BRCA2: variants seen among roughly 807,000 people sequenced by gnomAD.
BRCA2 encodes the protein BRCA2 DNA repair associated.
BRCA2 carries 203 observed loss-of-function variants against 276.7 expected under a neutral mutation model. The ratio of observed to expected loss-of-function variants is 0.73; its 90% CI spans 0.65 to 0.82. BRCA2 has a LOEUF of 0.82. BRCA2 is among the 40% of genes least tolerant of loss of function. BRCA2 has a pLI of 0.00. For synonymous variants in BRCA2, 1,289 were observed against 1,338.4 expected (o/e 0.96, Z 0.81); for missense variants, 3,920 against 3,915.0 (o/e 1.00, Z -0.03).
At chr13:32,341,867 CAAA>C (rs748134067) in intron 11 of BRCA2, among the ~76,000 whole-genome samples, 1 of 97,440 alleles carries the variant, frequency 1.0e-5, no homozygotes. Context: ...GACTCCGTCT[CAAA>C]AAAAAAAAAA....
At position 32,342,999 on chromosome 13, in the gene BRCA2, A is replaced by G. The variant is rs55921227; in HGVS notation, c.6842-1559A>G. Among the ~76,000 whole-genome samples the G allele has an allele frequency of 5.9e-3, 903 of 152,196 alleles. 9 individuals carry two copies. Among genetic ancestry groups the G allele is most frequent in the African/African-American group, 0.021 (872 of 41,514 alleles). ...TGGAGGCAGAGATTTCAGTGAGCCA[A>G]GATCGCACCACTGCACTCCTGCCTG... On this transcript the variant is annotated intron_variant, in intron 11 of 26. Coordinates refer to ENST00000380152, the MANE Select transcript of BRCA2 (RefSeq NM_000059.4).
chr13:32,369,474 G>A (rs1006025913), intron 18 of BRCA2, among the ~76,000 whole-genome samples: 3 of 152,122 alleles, frequency 2.0e-5, no homozygotes, highest in African/African-American at 4.8e-5. Context: ...CAAGTTTGGT[G>A]GCTGAATAAC....
chr13:32,376,605 T>C, intron 20 of BRCA2, 65 bp from the exon 21 acceptor site: 1 of 1,554,664 alleles, frequency 6.4e-7, no homozygotes, highest in Non-Finnish European at 8.9e-7. Flanking sequence ...TTATGCTTGG[T>C]TCTTTAGTTT....
intron 20 of BRCA2, among the ~76,000 whole-genome samples, chr13:32,373,445 G>T (rs1475593539): frequency 6.6e-6 from 1 of 151,906 alleles, no homozygotes; most frequent in Non-Finnish European, 1.5e-5. Context: ...GGCAGAGATT[G>T]CAGTAAGCCA....
rs1555287010 is a variant in BRCA2 at position 32,363,341 on chromosome 13, C to A, written c.8139C>A (p.Thr2713=). ...TSSNKTSSAD[T]QKVAIIELTD... ...GCAATAAAACTAGTAGTGCAGATACCCAAAAAGTGGCCATTATTGAACTTA... is the reference window on the plus strand; with the variant it reads ...GCAATAAAACTAGTAGTGCAGATACACAAAAAGTGGCCATTATTGAACTTA... The change falls in exon 18 of 27, where the codon ACC becomes ACA. Residue 2713 remains threonine, a synonymous_variant. Coordinates refer to ENST00000380152, the MANE Select transcript of BRCA2 (RefSeq NM_000059.4). 6.2e-7 allele frequency: 1 copy of A among 1,613,984 alleles called. No individual in the cohort carries two copies. The highest frequency in any genetic ancestry group is 8.5e-7 in the Non-Finnish European group (1 of 1,179,988).
intron 25 of BRCA2, 105 bp from the exon 26 acceptor site, chr13:32,396,793 T>C (rs2073039313): frequency 2.8e-6 from 4 of 1,440,420 alleles, no homozygotes; most frequent in Non-Finnish European, 3.9e-6. Flanking sequence ...TTTTCATTCT[T>C]TTTTGGTCCA....
At chr13:32,365,593 C>T (rs2072775999) in intron 18 of BRCA2, among the ~76,000 whole-genome samples, 1 of 151,982 alleles carries the variant, frequency 6.6e-6, no homozygotes, top group South Asian at 2.1e-4. Flanking sequence ...ATTGGCCAGG[C>T]TGGTCTCATC....
At position 32,339,597 on chromosome 13, in the gene BRCA2, AG is replaced by A; in HGVS notation, c.5243del (p.Ser1748ThrfsTer29). ...TTTAAGTAACAGTAGCATGTCTAAC[AG>A]CTATTCCTACCATTCTGATGAGGTA... is the stretch of plus-strand genomic sequence containing the variant. The part of the protein sequence containing the change: ...TYLSNSSMSN[S>X]YSYHSDEVYN... On this transcript the variant is annotated frameshift_variant, in exon 11 of 27. Transcript: ENST00000380152. LOFTEE classifies it high-confidence loss of function. 6.2e-7 allele frequency: 1 copy of A among 1,611,118 alleles called. No individual in the cohort carries two copies. The highest frequency in any genetic ancestry group is 1.1e-5 in the South Asian group (1 of 90,602).
At position 32,344,578 on chromosome 13, in the gene BRCA2, A is replaced by C. The variant is rs1244797012; in HGVS notation, c.6862A>C (p.Asn2288His). Residue 2288 changes from asparagine (N) to histidine (H), a missense_variant, in exon 12 of 27, where the codon AAC becomes CAC. Around this residue, in one of 2 missense-constraint regions of BRCA2, gnomAD observed 3,263 missense variants for 3,156.9 expected, o/e 1.03. Coordinates refer to ENST00000380152, the MANE Select transcript of BRCA2 (RefSeq NM_000059.4). Reference sequence around the variant, plus strand: ...TTTAGGAGAACCCTCAATCAAAAGAAACTTATTAAATGAATTTGACAGGAT... The same window carrying C: ...TTTAGGAGAACCCTCAATCAAAAGACACTTATTAAATGAATTTGACAGGAT... The part of the protein sequence containing the change: ...ILVGEPSIKR[N>H]LLNEFDRIIE... 6.4e-7 allele frequency: 1 copy of C among 1,560,012 alleles called. No homozygotes were observed. Among genetic ancestry groups the C allele is most frequent in the Non-Finnish European group, 8.8e-7 (1 of 1,133,282 alleles).
intron 12 of BRCA2, among the ~76,000 whole-genome samples, chr13:32,346,236 T>G (rs1296471743): frequency 6.6e-6 from 1 of 151,968 alleles, no homozygotes; most frequent in African/African-American, 2.4e-5. Context: ...ATGTATATAC[T>G]CATTACCCTT....
intron 24 of BRCA2, among the ~76,000 whole-genome samples, chr13:32,387,161 G>A (rs2072966345): frequency 1.3e-5 from 2 of 152,096 alleles, no homozygotes; most frequent in Admixed American, 1.3e-4. Flanking sequence ...GTGGGTGGAG[G>A]ATTACCCAGG....
At chr13:32,321,727 T>C (rs1336159890) in intron 3 of BRCA2, among the ~76,000 whole-genome samples, 1 of 152,220 alleles carries the variant, frequency 6.6e-6, no homozygotes, top group Non-Finnish European at 1.5e-5. Context: ...TTCAACCTGT[T>C]TTGTTCAGTT....
At position 32,379,386 on chromosome 13, in the gene BRCA2, G is replaced by A. The variant is rs80359139; in HGVS notation, c.8824G>A (p.Ala2942Thr). The A allele has an allele frequency of 1.2e-6, 2 of 1,613,796 alleles. No individual in the cohort carries two copies. The highest frequency in any genetic ancestry group is 8.5e-7 in the Non-Finnish European group (1 of 1,179,876). The change falls in exon 22 of 27, where the codon GCT (alanine) becomes ACT (threonine). Residue 2942 changes from alanine (A) to threonine (T), a missense_variant. Around this residue, in one of 2 missense-constraint regions of BRCA2, gnomAD observed 657 missense variants for 758.2 expected, o/e 0.87. Transcript: ENST00000380152. Reference protein sequence around the residue: ...HRQMLNDKKQAQIQLEIRKAM... With the variant: ...HRQMLNDKKQTQIQLEIRKAM... ...GCAAATGTTGAATGATAAGAAACAA[G>A]CTCAGATCCAGTTGGAAATTAGGAA...
chr13:32,341,404 A>G (rs1357792047), intron 11 of BRCA2, among the ~76,000 whole-genome samples: 1 of 152,180 alleles, frequency 6.6e-6, no homozygotes, highest in African/African-American at 2.4e-5. Flanking sequence ...TACAGATTCG[A>G]TATCTCTGAA....
intron 24 of BRCA2, among the ~76,000 whole-genome samples, chr13:32,389,008 T>C (rs528456255): frequency 6.6e-6 from 1 of 152,358 alleles, no homozygotes; most frequent in African/African-American, 2.4e-5. Context: ...TCCTGAAGGT[T>C]ACTTAAATAT....
chr13:32,355,395 GC>G, intron 14 of BRCA2, 107 bp downstream of exon 14: 2 of 1,265,014 alleles, frequency 1.6e-6, no homozygotes, highest in South Asian at 2.7e-5. Context: ...TAATTTTAAA[GC>G]CCTTTTTAAT....
rs771599029 is a variant in BRCA2, at chr13:32,336,709, T to C, written c.2354T>C (p.Ile785Thr). Residue 785 changes from isoleucine to threonine, a missense_variant, in exon 11 of 27, where the codon ATT becomes ACT. Ile to Thr is a moderately conservative substitution (Grantham distance 89). Around this residue, in one of 2 missense-constraint regions of BRCA2, gnomAD observed 3,263 missense variants for 3,156.9 expected, o/e 1.03. Coordinates refer to ENST00000380152, the MANE Select transcript of BRCA2 (RefSeq NM_000059.4). ...GATGTTCTGTCAAACCTAGTCATGA[T>C]TTCTAGAGGCAAAGAATCATACAAA... is the stretch of plus-strand genomic sequence containing the variant. Reference protein sequence around the residue: ...SKDVLSNLVMISRGKESYKMS... With the variant: ...SKDVLSNLVMTSRGKESYKMS... 4.3e-6 allele frequency: 7 copies of C among 1,614,054 alleles called. No individual in the cohort carries two copies. In the South Asian group the frequency reaches 7.7e-5, roughly 18 times the overall value.
rs398122583 is a variant in BRCA2 at position 32,356,409 on chromosome 13, A to G, written c.7436-19A>G. On this transcript the variant is annotated intron_variant, in intron 14 of 26. Coordinates refer to ENST00000380152, the MANE Select transcript of BRCA2 (RefSeq NM_000059.4). The stretch of plus-strand genomic sequence containing the variant: ...TTAAATTTCAATTTTATTTTTGCTA[A>G]GTATTTATTCTTTGATAGATTTAAT... 2 of 1,607,988 alleles carry G rather than the reference A, an allele frequency of 1.2e-6. No individual in the cohort carries two copies. The highest frequency in any genetic ancestry group is 1.7e-6 in the Non-Finnish European group (2 of 1,174,544).
chr13:32,382,236 G>A (rs2072929626), intron 24 of BRCA2, among the ~76,000 whole-genome samples: 6 of 152,202 alleles, frequency 3.9e-5, no homozygotes, highest in Admixed American at 3.9e-4. Flanking sequence ...ACAGGCATGA[G>A]CCACTGCACC....
Sources: allele counts gnomAD v4.1 joint callset (sites outside exome capture counted in the v4.1 genomes callset), GRCh38; gene constraint gnomAD v4.1.1; regional missense constraint gnomAD v4.1.1; transcripts MANE v1.5; gene names NCBI Gene and HGNC (gene_info 2026-07-23, HGNC 2026-07-21).